PBX1: variants seen among roughly 807,000 people sequenced by gnomAD.
PBX1 encodes pre-B-cell leukemia transcription factor 1.
PBX1 carries 6 observed loss-of-function variants against 53.4 expected under a neutral mutation model. The ratio of observed to expected loss-of-function variants is 0.11; its 90% confidence interval spans 0.06 to 0.22. PBX1 has a LOEUF of 0.22. PBX1 is among the 10% of genes least tolerant of loss of function. The pLI, the probability that PBX1 is intolerant of heterozygous loss-of-function variation, is 1.00. For synonymous variants in PBX1, 204 were observed against 212.3 expected (o/e 0.96, Z 0.34); for missense variants, 251 against 551.4 (o/e 0.46, Z 5.46).
At chr1:164,831,873 T>C (rs1009659554) in intron 8 of PBX1, among the ~76,000 whole-genome samples, 1 of 152,166 alleles carries the variant, frequency 6.6e-6, no homozygotes, top group Non-Finnish European at 1.5e-5. Flanking sequence ...TTCTATCTTA[T>C]AGCCAAGCAT....
intron 4 of PBX1, among the ~76,000 whole-genome samples, chr1:164,805,999 G>A (rs1669327584): frequency 6.6e-6 from 1 of 152,188 alleles, no homozygotes; most frequent in African/African-American, 2.4e-5. Context: ...GTCTAGCAAG[G>A]CCATCAGTGC....
intron 2 of PBX1, among the ~76,000 whole-genome samples, chr1:164,573,795 T>C (rs1359136981): frequency 6.6e-6 from 1 of 152,248 alleles, no homozygotes; most frequent in Non-Finnish European, 1.5e-5. Context: ...ATTTATAGCA[T>C]ATCTTGATTT....
chr1:164,840,019 A>T (rs1286916832), intron 8 of PBX1, among the ~76,000 whole-genome samples: 2 of 152,112 alleles, frequency 1.3e-5, no homozygotes, highest in Non-Finnish European at 2.9e-5. Flanking sequence ...GATGGCAGGT[A>T]GTAGTTGGTG....
At chr1:164,689,324 T>C (rs1287106560) in intron 2 of PBX1, among the ~76,000 whole-genome samples, 1 of 152,166 alleles carries the variant, frequency 6.6e-6, no homozygotes, top group Non-Finnish European at 1.5e-5. Context: ...TCATTCTTCT[T>C]TTTTCTTTTC....
chr1:164,663,309 C>CCTCT (rs150696368), intron 2 of PBX1, among the ~76,000 whole-genome samples: 17 of 149,528 alleles, frequency 1.1e-4, no homozygotes, highest in African/African-American at 3.9e-4. Context: ...TTCCTGCCTT[C>CCTCT]CTCTCTCTCT....
intron 2 of PBX1, among the ~76,000 whole-genome samples, chr1:164,732,016 G>A (rs1221177638): frequency 2.0e-5 from 3 of 152,160 alleles, no homozygotes; most frequent in Admixed American, 6.5e-5. Context: ...CAGAAGAACA[G>A]GGACAATGTT....
intron 8 of PBX1, among the ~76,000 whole-genome samples, chr1:164,839,934 AG>A (rs1376909688): frequency 6.6e-6 from 1 of 151,956 alleles, no homozygotes; most frequent in Non-Finnish European, 1.5e-5. Context: ...TGGCAGTCAA[AG>A]GACTATGGAA....
chr1:164,856,764 C>G (rs968861745), downstream of PBX1, among the ~76,000 whole-genome samples: 1 of 152,258 alleles, frequency 6.6e-6, no homozygotes, highest in South Asian at 2.1e-4. Flanking sequence ...TTGATTTTCC[C>G]CTCTCAAATG....
intron 2 of PBX1, among the ~76,000 whole-genome samples, chr1:164,624,093 G>C (rs913325321): frequency 1.3e-5 from 2 of 152,174 alleles, no homozygotes; most frequent in Non-Finnish European, 2.9e-5. Context: ...TCATTCCACT[G>C]TCCTAAAACC....
chr1:164,599,360 C>T (rs1656002822), intron 2 of PBX1, among the ~76,000 whole-genome samples: 1 of 152,076 alleles, frequency 6.6e-6, no homozygotes, highest in Admixed American at 6.6e-5. Flanking sequence ...CTCAGCCACA[C>T]CCCCCTCCAT....
chr1:164,781,756 G>C (rs1237937057), intron 2 of PBX1, among the ~76,000 whole-genome samples: 1 of 152,146 alleles, frequency 6.6e-6, no homozygotes, highest in African/African-American at 2.4e-5. Flanking sequence ...TAGTACCCAA[G>C]AGAGGCCCCT....
In PBX1 at chr1:164,847,529, G is replaced by A; in HGVS notation, c.*853G>A. ...AATATTTAGAACCTATTGCAAAACTGGGCCTGAGTTAGGCATGGTGATGAA... is the reference window on the plus strand; with the variant it reads ...AATATTTAGAACCTATTGCAAAACTAGGCCTGAGTTAGGCATGGTGATGAA... On this transcript the variant is annotated 3_prime_UTR_variant, in exon 9 of 9. Transcript: ENST00000420696. The A allele has an allele frequency of 9.4e-7, 1 of 1,062,164 alleles. No homozygotes were observed. The highest frequency in any genetic ancestry group is 1.1e-6 in the Non-Finnish European group (1 of 877,412). 65.8% of individuals were successfully genotyped at this position (1,062,164 alleles called of 1,614,324 possible). A position where few individuals can be genotyped will look rare whatever the true frequency, so the allele number is the denominator to read the frequency against.
chr1:164,611,542 G>T (rs1019575423), intron 2 of PBX1, among the ~76,000 whole-genome samples: 2 of 151,998 alleles, frequency 1.3e-5, no homozygotes. Flanking sequence ...CCGGCCTTCT[G>T]TGTTTCAAAT....
chr1:164,689,604 G>A (rs1288154172), intron 2 of PBX1, among the ~76,000 whole-genome samples: 2 of 152,238 alleles, frequency 1.3e-5, no homozygotes, highest in African/African-American at 2.4e-5. Flanking sequence ...GAGGGAATGA[G>A]AAGGACCTGC....
At chr1:164,721,732 C>T (rs1207679261) in intron 2 of PBX1, among the ~76,000 whole-genome samples, 1 of 152,210 alleles carries the variant, frequency 6.6e-6, no homozygotes, top group Non-Finnish European at 1.5e-5. Flanking sequence ...GCTCCTCCTT[C>T]TCGGCTTGAC....
At chr1:164,683,143 T>G (rs1196034127) in intron 2 of PBX1, 1 of 152,246 alleles carries the variant, frequency 6.6e-6, no homozygotes, top group East Asian at 1.9e-4. Flanking sequence ...ATCCTGTATT[T>G]GCATGGCCCT....
Position 164,793,573 on chromosome 1 carries a change from C to A in PBX1, c.510+835C>A, listed in dbSNP as rs138102908. Among the ~76,000 whole-genome samples the A allele has an allele frequency of 2.6e-3, 398 of 152,208 alleles. 3 individuals are homozygous for A. Among genetic ancestry groups the A allele is most frequent in the African/African-American group, 8.3e-3 (345 of 41,546 alleles). On this transcript the variant is annotated intron_variant, in intron 3 of 8. Transcript: ENST00000420696. ...GTAGGGTCTCCCGATTATAACAGAG[C>A]CCCTCTCTAATAGAGAACCCCCATC...
chr1:164,586,804 CT>C (rs1370743636), intron 2 of PBX1, among the ~76,000 whole-genome samples: 2 of 152,110 alleles, frequency 1.3e-5, no homozygotes, highest in Non-Finnish European at 2.9e-5. Flanking sequence ...GAATATGGAG[CT>C]GGAGATCTCA....
chr1:164,624,017 G>A (rs1657871856), intron 2 of PBX1, among the ~76,000 whole-genome samples: 1 of 152,154 alleles, frequency 6.6e-6, no homozygotes, highest in Non-Finnish European at 1.5e-5. Flanking sequence ...TTGGGGGTGT[G>A]AATGCCTGTG....
Sources: gnomAD v4.1 joint callset for allele counts (sites outside exome capture counted in the v4.1 genomes callset) on GRCh38, gnomAD v4.1.1 for gene constraint, MANE v1.5 for transcripts, NCBI Gene and HGNC (gene_info 2026-07-23, HGNC 2026-07-21) for gene names.